NAALADL2: variants seen among roughly 807,000 people sequenced by gnomAD.
NAALADL2 encodes inactive N-acetylated-alpha-linked acidic dipeptidase-like protein 2.
NAALADL2 carries 76 observed loss-of-function variants against 87.2 expected under a neutral mutation model. The observed-to-expected ratio is 0.87, with a 90% CI of 0.72 to 1.05. NAALADL2 has a LOEUF of 1.05. NAALADL2 is among the 50% of genes least tolerant of loss of function. NAALADL2 has a pLI of 0.00. For missense variants in NAALADL2, 1,089 were observed against 945.8 expected (o/e 1.15, Z -1.99); for synonymous variants, 354 against 331.0 (o/e 1.07, Z -0.75).
At chr3:174,755,524 T>TA (rs1396448838) in intron 3 of NAALADL2, among the ~76,000 whole-genome samples, 1 of 152,174 alleles carries the variant, frequency 6.6e-6, no homozygotes, top group African/African-American at 2.4e-5. Flanking sequence ...TAATAAAAAA[T>TA]TTCGAGCCAC....
intron 6 of NAALADL2, among the ~76,000 whole-genome samples, chr3:175,449,331 GTCT>G (rs1721180676): frequency 6.6e-6 from 1 of 151,320 alleles, no homozygotes; most frequent in Non-Finnish European, 1.5e-5. Context: ...CCTCCTGCTT[GTCT>G]CCTAAAGTGC....
rs911052240 is a variant in NAALADL2, at chr3:175,332,514, T to C, written c.1090+8189T>C. ...CAAGGTCTCACTATGTTGCCCAGTC[T>C]AGTCTCAACTTCCTGGGCTCTAGCA... is the stretch of plus-strand genomic sequence containing the variant. On this transcript the variant is annotated intron_variant, in intron 5 of 13. Transcript: ENST00000454872. 4.6e-5 allele frequency among the ~76,000 whole-genome samples: 7 copies of C among 152,320 alleles called. No homozygotes were observed. In the East Asian group the frequency reaches 1.3e-3, roughly 29 times the overall value.
intron 11 of NAALADL2, among the ~76,000 whole-genome samples, chr3:175,665,937 A>ACCC (rs1560940260): frequency 1.4e-4 from 20 of 147,602 alleles, no homozygotes; most frequent in Admixed American, 4.1e-4. Context: ...CCCCCCCCCA[A>ACCC]AAAAAAGGTT....
At chr3:174,847,303 T>C (rs748314184) in intron 3 of NAALADL2, among the ~76,000 whole-genome samples, 2 of 152,170 alleles carry the variant, frequency 1.3e-5, no homozygotes, top group Non-Finnish European at 2.9e-5. Flanking sequence ...TGGGATTTCT[T>C]GGCCACAACC....
chr3:174,739,041 C>G (rs1235408686), intron 3 of NAALADL2, among the ~76,000 whole-genome samples: 3 of 152,076 alleles, frequency 2.0e-5, no homozygotes, highest in African/African-American at 7.2e-5. Context: ...TTTTTATCAA[C>G]AGTCTAACGA....
chr3:174,702,168 A>G (rs770553811), intron 2 of NAALADL2, among the ~76,000 whole-genome samples: 7 of 151,970 alleles, frequency 4.6e-5, no homozygotes, highest in Non-Finnish European at 7.4e-5. Context: ...TTCTTTATTC[A>G]CTAATGATGT....
chr3:175,622,804 C>T (rs9868729), intron 10 of NAALADL2, among the ~76,000 whole-genome samples: 5,502 of 152,106 alleles, frequency 0.036, 292 homozygotes, highest in African/African-American at 0.12. Context: ...ATTAAAGCAT[C>T]ACATAAAACC....
intron 2 of NAALADL2, among the ~76,000 whole-genome samples, chr3:174,694,601 C>T (rs1728861943): frequency 6.6e-6 from 1 of 151,930 alleles, no homozygotes; most frequent in African/African-American, 2.4e-5. Flanking sequence ...CTAGGGCCTT[C>T]ATTTTTGCTG....
chr3:175,052,013 C>T (rs926408544), intron 1 of NAALADL2, among the ~76,000 whole-genome samples: 1 of 152,164 alleles, frequency 6.6e-6, no homozygotes, highest in Non-Finnish European at 1.5e-5. Context: ...GGTCTCGCAA[C>T]CTTCAGAGCT....
At chr3:174,680,055 GAC>G (rs1325760475) in intron 2 of NAALADL2, among the ~76,000 whole-genome samples, 13 of 151,518 alleles carry the variant, frequency 8.6e-5, no homozygotes, top group African/African-American at 2.9e-4. Flanking sequence ...TTTTATTTTT[GAC>G]ACACACTAGA....
At chr3:175,720,285 A>G (rs1303311012) in intron 11 of NAALADL2, among the ~76,000 whole-genome samples, 2 of 152,160 alleles carry the variant, frequency 1.3e-5, no homozygotes, top group African/African-American at 4.8e-5. Context: ...CCATAACAAA[A>G]GAATTGATCA....
rs1440040964 is a variant in NAALADL2, at chr3:175,362,180, T to C, written c.1090+37855T>C. ...TTGTCAAAGATCAGATGGTTGTAGA[T>C]GTGTGGTATTATTTCTGAGGGCTCT... On this transcript the variant is annotated intron_variant, in intron 5 of 13. Coordinates refer to ENST00000454872, the MANE Select transcript of NAALADL2 (RefSeq NM_207015.3). Among the ~76,000 whole-genome samples the C allele has an allele frequency of 1.4e-5, 2 of 148,140 alleles. 1 individual carries two copies. The highest frequency in any genetic ancestry group is 3.0e-5 in the Non-Finnish European group (2 of 66,624).
At chr3:174,465,293 A>G (rs1222564651) in intron 1 of NAALADL2, among the ~76,000 whole-genome samples, 1 of 152,160 alleles carries the variant, frequency 6.6e-6, no homozygotes, top group Admixed American at 6.5e-5. Flanking sequence ...ATATATCAGC[A>G]CAATTAATGA....
At chr3:175,044,434 C>T (rs1467922825) in intron 1 of NAALADL2, among the ~76,000 whole-genome samples, 6 of 151,876 alleles carry the variant, frequency 4.0e-5, no homozygotes, top group Non-Finnish European at 7.4e-5. Flanking sequence ...ATATTTAGAC[C>T]ATAAATACAT....
At chr3:175,293,239 T>C (rs559650668) in intron 4 of NAALADL2, among the ~76,000 whole-genome samples, 6 of 152,184 alleles carry the variant, frequency 3.9e-5, no homozygotes, top group Admixed American at 6.5e-5. Flanking sequence ...AGTTACCAGA[T>C]AGACATGGAG....
At chr3:174,665,781 A>G (rs1725901673) in intron 2 of NAALADL2, among the ~76,000 whole-genome samples, 1 of 152,184 alleles carries the variant, frequency 6.6e-6, no homozygotes, top group Non-Finnish European at 1.5e-5. Flanking sequence ...AGTTGTTGGC[A>G]GGGTTGGTTC....
At chr3:175,359,038 A>T (rs1037642092) in intron 5 of NAALADL2, among the ~76,000 whole-genome samples, 4 of 152,108 alleles carry the variant, frequency 2.6e-5, no homozygotes, top group Non-Finnish European at 5.9e-5. Context: ...CTTATTATTG[A>T]AGTAACCAAT....
chr3:175,783,814 A>T (rs1387249919), intron 13 of NAALADL2, among the ~76,000 whole-genome samples: 2 of 149,432 alleles, frequency 1.3e-5, no homozygotes, highest in South Asian at 2.1e-4. Flanking sequence ...GTTTTTGCCC[A>T]TTCAGTATGA....
At chr3:175,336,918 G>T (rs974637066) in intron 5 of NAALADL2, among the ~76,000 whole-genome samples, 1 of 152,114 alleles carries the variant, frequency 6.6e-6, no homozygotes, top group Non-Finnish European at 1.5e-5. Context: ...GGAAAAAAAT[G>T]ATAAAGTGAC....
Sources: allele counts gnomAD v4.1 joint callset (sites outside exome capture counted in the v4.1 genomes callset), GRCh38; gene constraint gnomAD v4.1.1; transcripts MANE v1.5; gene names NCBI Gene and HGNC (gene_info 2026-07-23, HGNC 2026-07-21).